The following TVP23B variants were observed in gnomAD, a reference collection of about 807,000 sequenced individuals.
The protein encoded by TVP23B is trans-golgi network vesicle protein 23 homolog B.
Under a neutral mutation model 30.6 loss-of-function variants are expected in TVP23B, and 10 were observed. That is an observed-to-expected ratio of 0.33 (90% confidence interval 0.20 to 0.55). The LOEUF (loss-of-function observed/expected upper bound fraction) is 0.55. Ranked by LOEUF, TVP23B falls within the 20% of genes least tolerant of loss-of-function variation. TVP23B has a pLI of 0.91. For missense variants in TVP23B, 153 were observed against 243.2 expected (o/e 0.63, Z 2.47); for synonymous variants, 67 against 83.1 (o/e 0.81, Z 1.06).
At chr17:18,798,968 A>G (rs1181123345) in intron 5 of TVP23B, 25 bp downstream of exon 5, 4 of 1,599,278 alleles carry the variant, frequency 2.5e-6, no homozygotes, top group East Asian at 2.2e-5. Context: ...AGAACTTTCA[A>G]ATAATCCATT....
At chr17:18,787,253 G>A (rs2035921277) in intron 1 of TVP23B, among the ~76,000 whole-genome samples, 1 of 152,004 alleles carries the variant, frequency 6.6e-6, no homozygotes, top group Non-Finnish European at 1.5e-5. Flanking sequence ...AAATTAGCCA[G>A]GCTAATTAGC....
intron 4 of TVP23B, among the ~76,000 whole-genome samples, 198 bp downstream of exon 4, chr17:18,797,866 A>G (rs2036099532): frequency 6.6e-6 from 1 of 152,178 alleles, no homozygotes; most frequent in Non-Finnish European, 1.5e-5. Context: ...AATATACAGA[A>G]CAGAATCCTT....
chr17:18,785,917 A>G (rs1488300136), intron 1 of TVP23B, among the ~76,000 whole-genome samples: 1 of 151,900 alleles, frequency 6.6e-6, no homozygotes, highest in Non-Finnish European at 1.5e-5. Context: ...AGTCATATGT[A>G]CTGTTGTAAA....
In TVP23B at chr17:18,783,816, C is replaced by A. The variant is rs116888293; in HGVS notation, c.12+2511C>A. Among the ~76,000 whole-genome samples the A allele has an allele frequency of 6.3e-3, 959 of 152,314 alleles. 3 individuals carry two copies. The highest frequency in any genetic ancestry group is 0.02 in the Middle Eastern group (6 of 294). ...AATCCTTTTAAACGTTTGCTCACAT[C>A]AACATATAAACGTGCTTTAATTTCT... On this transcript the variant is annotated intron_variant, in intron 1 of 6. Coordinates refer to ENST00000307767, the MANE Select transcript of TVP23B (RefSeq NM_016078.6).
intron 4 of TVP23B, 136 bp from the exon 5 acceptor site, chr17:18,798,676 T>G: frequency 8.2e-7 from 1 of 1,213,982 alleles, no homozygotes; most frequent in Non-Finnish European, 1.1e-6. Flanking sequence ...AGTCATGTAT[T>G]TTTGGGTTCT....
intron 6 of TVP23B, among the ~76,000 whole-genome samples, chr17:18,805,102 T>TC (rs2036227572): frequency 6.7e-6 from 1 of 148,674 alleles, no homozygotes; most frequent in Non-Finnish European, 1.5e-5. Flanking sequence ...TTTTTTTTTT[T>TC]TCTTGAGACG....
At chr17:18,783,822 A>G (rs1330754629) in intron 1 of TVP23B, among the ~76,000 whole-genome samples, 1 of 152,214 alleles carries the variant, frequency 6.6e-6, no homozygotes, top group East Asian at 1.9e-4. Flanking sequence ...ACATCAACAT[A>G]TAAACGTGCT....
At chr17:18,804,098 T>G in intron 5 of TVP23B, 40 bp from the exon 6 acceptor site, 2 of 1,606,832 alleles carry the variant, frequency 1.2e-6, no homozygotes, top group Non-Finnish European at 1.7e-6. Flanking sequence ...AAGGTCAATT[T>G]CAGGCCAGTA....
intron 1 of TVP23B, among the ~76,000 whole-genome samples, chr17:18,786,958 G>A (rs2035917108): frequency 6.7e-6 from 1 of 149,182 alleles, no homozygotes. Context: ...TCCTTCCCTG[G>A]CTCCCATTTG....
At chr17:18,790,587 C>G (rs1349368721) in intron 2 of TVP23B, among the ~76,000 whole-genome samples, 1 of 151,802 alleles carries the variant, frequency 6.6e-6, no homozygotes, top group Non-Finnish European at 1.5e-5. Flanking sequence ...GATTCAAATT[C>G]TAAGATACAG....
intron 4 of TVP23B, among the ~76,000 whole-genome samples, chr17:18,798,358 G>A (rs1290669714): frequency 6.6e-6 from 1 of 151,364 alleles, no homozygotes; most frequent in African/African-American, 2.4e-5. Context: ...GTAACTTCCT[G>A]GGTATTGCTA....
chr17:18,784,972 A>G (rs184949439), intron 1 of TVP23B, among the ~76,000 whole-genome samples: 1 of 152,312 alleles, frequency 6.6e-6, no homozygotes, highest in Non-Finnish European at 1.5e-5. Flanking sequence ...CAGTCAGTCC[A>G]TCAGCAAATC....
intron 5 of TVP23B, among the ~76,000 whole-genome samples, chr17:18,800,464 C>T (rs1276232831): frequency 6.6e-6 from 1 of 152,190 alleles, no homozygotes; most frequent in African/African-American, 2.4e-5. Flanking sequence ...CATGTTTAAA[C>T]ATATGAGCCT....
chr17:18,801,155 C>G (rs1330786196), intron 5 of TVP23B, among the ~76,000 whole-genome samples: 1 of 152,160 alleles, frequency 6.6e-6, no homozygotes, highest in African/African-American at 2.4e-5. Context: ...TTGTCAGCTC[C>G]GTTTTCATCT....
At chr17:18,787,685 A>G (rs2035929348) in intron 1 of TVP23B, among the ~76,000 whole-genome samples, 1 of 152,270 alleles carries the variant, frequency 6.6e-6, no homozygotes, top group South Asian at 2.1e-4. Context: ...TGGGAGAGAG[A>G]TTGTAGTGTT....
chr17:18,806,016 G>C lies in TVP23B; in HGVS notation c.*449G>C, dbSNP rs2036246051. ...GGAGAAAGTTTTGCTTCTATGGTAA[G>C]AGTGAGCACTTTGGCTTATGTATAA... On this transcript the variant is annotated 3_prime_UTR_variant, in exon 7 of 7. Coordinates refer to ENST00000307767, the MANE Select transcript of TVP23B (RefSeq NM_016078.6). The C allele has an allele frequency of 2.1e-6, 2 of 968,274 alleles. No individual in the cohort carries two copies. Among genetic ancestry groups the C allele is most frequent in the East Asian group, 2.3e-4 (2 of 8,824 alleles). 60.0% of individuals were successfully genotyped at this position (968,274 alleles called of 1,614,324 possible).
chr17:18,785,251 TTTTAGCATCTTAAAATGTCA>T (rs1238242457), intron 1 of TVP23B, among the ~76,000 whole-genome samples: 9 of 152,164 alleles, frequency 5.9e-5, no homozygotes, highest in East Asian at 1.9e-4. Flanking sequence ...CGCTTTTTGG[TTTTAGCATCTTAAAATGTCA>T]TTTAGCATCT....
At chr17:18,805,299 T>G (rs1257594536) in intron 6 of TVP23B, among the ~76,000 whole-genome samples, 2 of 151,940 alleles carry the variant, frequency 1.3e-5, no homozygotes, top group East Asian at 3.9e-4. Context: ...TTAGCCAGGA[T>G]GGTCTCGATC....
At chr17:18,793,441 G>A (rs1247130889) in intron 3 of TVP23B, among the ~76,000 whole-genome samples, 3 of 119,826 alleles carry the variant, frequency 2.5e-5, no homozygotes, top group African/African-American at 9.5e-5. Context: ...CCCCATCTCT[G>A]CTAAAAAAAA....
Sources: allele counts gnomAD v4.1 joint callset (sites outside exome capture counted in the v4.1 genomes callset), GRCh38; gene constraint gnomAD v4.1.1; transcripts MANE v1.5; gene names NCBI Gene and HGNC (gene_info 2026-07-23, HGNC 2026-07-21).